TFPI: variants seen among roughly 807,000 people sequenced by gnomAD.
TFPI encodes the protein tissue factor pathway inhibitor.
TFPI carries 15 observed loss-of-function variants against 34.6 expected under a neutral mutation model. The ratio of observed to expected loss-of-function variants is 0.43; its 90% CI spans 0.29 to 0.67. TFPI has a LOEUF of 0.67. TFPI is among the 30% of genes least tolerant of loss of function. The pLI, the probability that TFPI is intolerant of heterozygous loss-of-function variation, is 0.15. For missense variants in TFPI, 301 were observed against 364.0 expected (o/e 0.83, Z 1.41); for synonymous variants, 105 against 120.1 (o/e 0.87, Z 0.82).
intron 5 of TFPI, 123 bp downstream of exon 5, chr2:187,484,688 C>T: frequency 2.5e-6 from 2 of 793,082 alleles, no homozygotes; most frequent in South Asian, 2.4e-5. Flanking sequence ...ACATTGAATG[C>T]ACACAAATAT....
At chr2:187,525,832 A>G (rs1395393592) in intron 1 of TFPI, among the ~76,000 whole-genome samples, 1 of 150,004 alleles carries the variant, frequency 6.7e-6, no homozygotes, top group Non-Finnish European at 1.5e-5. Flanking sequence ...GACCATGAGG[A>G]AATAACAAAC....
chr2:187,505,817 T>C (rs1559127428), intron 1 of TFPI, among the ~76,000 whole-genome samples: 1 of 152,036 alleles, frequency 6.6e-6, no homozygotes, highest in Non-Finnish European at 1.5e-5. Context: ...TGTAATAGCA[T>C]GGCAAATATT....
chr2:187,526,532 TC>T (rs1433291635), intron 1 of TFPI, among the ~76,000 whole-genome samples: 1 of 152,294 alleles, frequency 6.6e-6, no homozygotes, highest in African/African-American at 2.4e-5. Flanking sequence ...ACATTAAATT[TC>T]CAGTTCATTA....
intron 2 of TFPI, 41 bp downstream of exon 2, chr2:187,503,607 C>G: frequency 6.3e-7 from 1 of 1,595,768 alleles, no homozygotes; most frequent in Non-Finnish European, 8.6e-7. Flanking sequence ...AAATTGAGAG[C>G]TTTAACTAGC....
At chr2:187,532,867 G>A (rs933689071) in intron 1 of TFPI, among the ~76,000 whole-genome samples, 1 of 152,126 alleles carries the variant, frequency 6.6e-6, no homozygotes, top group Non-Finnish European at 1.5e-5. Flanking sequence ...GCCTTAAGTC[G>A]ACCTGGGATA....
At chr2:187,502,158 A>G (rs779639198) in intron 2 of TFPI, among the ~76,000 whole-genome samples, 26 of 152,202 alleles carry the variant, frequency 1.7e-4, no homozygotes, top group Non-Finnish European at 3.7e-4. Context: ...TTAAATATCA[A>G]AATTCTTTGT....
chr2:187,536,934 A>G (rs1688291596), intron 1 of TFPI, among the ~76,000 whole-genome samples: 1 of 147,334 alleles, frequency 6.8e-6, no homozygotes, highest in African/African-American at 2.5e-5. Context: ...ATTCTTGTAC[A>G]CCAATAACAG....
At chr2:187,535,926 A>C (rs973099376) in intron 1 of TFPI, among the ~76,000 whole-genome samples, 1 of 152,194 alleles carries the variant, frequency 6.6e-6, no homozygotes, top group African/African-American at 2.4e-5. Flanking sequence ...ACAGAAATAC[A>C]AACTACCATC....
At chr2:187,554,154 T>G (rs149868184) in intron 1 of TFPI, 46 bp downstream of exon 1, 1 of 152,254 alleles carries the variant, frequency 6.6e-6, no homozygotes, top group Non-Finnish European at 1.5e-5. Flanking sequence ...AAAAAGAAAT[T>G]AAAGTTATTT....
At chr2:187,516,637 A>T (rs974213385) in intron 1 of TFPI, 2 of 152,200 alleles carry the variant, frequency 1.3e-5, no homozygotes, top group Non-Finnish European at 2.9e-5. Flanking sequence ...ACCACCTCTC[A>T]TATTGTCTTA....
At chr2:187,526,909 T>C (rs1486849948) in intron 1 of TFPI, 1 of 152,170 alleles carries the variant, frequency 6.6e-6, no homozygotes, top group East Asian at 1.9e-4. Flanking sequence ...AGAATCTTTC[T>C]AATTTTCTGC....
chr2:187,548,773 G>A (rs561219709), intron 1 of TFPI, among the ~76,000 whole-genome samples: 47 of 152,002 alleles, frequency 3.1e-4, no homozygotes, highest in South Asian at 1.2e-3. Flanking sequence ...CTTGAAAAGA[G>A]TTTTATCCAG....
chr2:187,479,536 A>G (rs1162770485), intron 6 of TFPI, among the ~76,000 whole-genome samples: 2 of 120,380 alleles, frequency 1.7e-5, no homozygotes, highest in African/African-American at 3.1e-5. Flanking sequence ...TTTTGGGGGG[A>G]TATCACGTTC....
intron 4 of TFPI, among the ~76,000 whole-genome samples, chr2:187,485,465 G>T (rs1317667953): frequency 2.0e-5 from 3 of 151,664 alleles, no homozygotes; most frequent in African/African-American, 4.8e-5. Context: ...TATTTGAGGG[G>T]TAGGAAGTTT....
chr2:187,505,053 ATATATATT>A (rs953611845), intron 1 of TFPI, among the ~76,000 whole-genome samples: 11 of 152,090 alleles, frequency 7.2e-5, no homozygotes, highest in African/African-American at 2.2e-4. Flanking sequence ...ACAAATATAT[ATATATATT>A]TATATAGATA....
chr2:187,510,854 T>C (rs1686576984), intron 1 of TFPI, among the ~76,000 whole-genome samples: 1 of 152,162 alleles, frequency 6.6e-6, no homozygotes, highest in Admixed American at 6.5e-5. Context: ...GAGCTCGGCT[T>C]TTGAGATGCA....
chr2:187,479,234 A>C (rs911381913), intron 6 of TFPI, among the ~76,000 whole-genome samples: 5 of 152,070 alleles, frequency 3.3e-5, no homozygotes, highest in African/African-American at 1.2e-4. Context: ...GGACTAGTGG[A>C]CAATGCAGAC....
chr2:187,519,437 C>T (rs1192982282), intron 1 of TFPI: 2 of 153,216 alleles, frequency 1.3e-5, no homozygotes, highest in East Asian at 3.8e-4. Flanking sequence ...TGCCTGAGGT[C>T]CACTCCAGAC....
chr2:187,536,265 G>A (rs370914070), intron 1 of TFPI, among the ~76,000 whole-genome samples: 20 of 152,102 alleles, frequency 1.3e-4, no homozygotes, highest in South Asian at 2.1e-4. Flanking sequence ...CCAAAACCTG[G>A]CAGAGACACA....
Sources: gnomAD v4.1 joint callset for allele counts (sites outside exome capture counted in the v4.1 genomes callset) on GRCh38, gnomAD v4.1.1 for gene constraint, MANE v1.5 for transcripts, NCBI Gene and HGNC (gene_info 2026-07-23, HGNC 2026-07-21) for gene names.